The following EAF2 variants were observed in gnomAD, a reference collection of about 807,000 sequenced individuals.
EAF2 encodes ELL-associated factor 2.
EAF2 carries 29 observed loss-of-function variants against 29.4 expected under a neutral mutation model. The ratio of observed to expected loss-of-function variants is 0.99; its 90% CI spans 0.73 to 1.35. The LOEUF is 1.35. EAF2 is among the 40% of genes most tolerant of loss of function. EAF2 has a pLI of 0.00. For synonymous variants in EAF2, 103 were observed against 102.5 expected (o/e 1.00, Z -0.03); for missense variants, 292 against 312.0 (o/e 0.94, Z 0.48).
chr3:121,839,196 C>A (rs1708360488), intron 1 of EAF2, among the ~76,000 whole-genome samples: 1 of 152,132 alleles, frequency 6.6e-6, no homozygotes, highest in African/African-American at 2.4e-5. Flanking sequence ...ACATTCAGGA[C>A]CTTTTATATA....
chr3:121,840,189 G>GAAAAA (rs35521886), intron 1 of EAF2, among the ~76,000 whole-genome samples: 2 of 69,612 alleles, frequency 2.9e-5, no homozygotes, highest in Admixed American at 1.9e-4. Context: ...ATTCTCTCAG[G>GAAAAA]AAAAAAAAAA....
At position 121,857,574 on chromosome 3, in the gene EAF2, G is replaced by A. The variant is rs115825815; in HGVS notation, c.484+418G>A. ...TACTAATTATAAATGTTTACCAAGA[G>A]CATAATATTTTTTGTAATTACGCAT... On this transcript the variant is annotated intron_variant, in intron 4 of 5. Coordinates refer to ENST00000273668, the MANE Select transcript of EAF2 (RefSeq NM_018456.6). Among the ~76,000 whole-genome samples, 1,174 of 151,886 alleles carry A rather than the reference G, an allele frequency of 7.7e-3. 8 individuals carry two copies. Among genetic ancestry groups the A allele is most frequent in the Middle Eastern group, 0.017 (5 of 290 alleles).
At chr3:121,844,336 A>C (rs1576637826) in intron 1 of EAF2, 117 bp from the exon 2 acceptor site, 2 of 640,400 alleles carry the variant, frequency 3.1e-6, no homozygotes, top group East Asian at 6.2e-5. Context: ...GAATACTTTA[A>C]ACCATTTTAA....
At chr3:121,850,032 C>G (rs1389692584) in intron 2 of EAF2, among the ~76,000 whole-genome samples, 1 of 150,032 alleles carries the variant, frequency 6.7e-6, no homozygotes, top group Non-Finnish European at 1.5e-5. Flanking sequence ...ATATAGCTAT[C>G]TTTACTTTTT....
At chr3:121,840,508 AG>A (rs1345258036) in intron 1 of EAF2, among the ~76,000 whole-genome samples, 1,026 of 59,106 alleles carry the variant, frequency 0.017, 78 homozygotes, top group Non-Finnish European at 0.031. Flanking sequence ...AAAAAAAAAA[AG>A]AAAAAAAAAA....
At chr3:121,858,019 A>T (rs975615420) in intron 4 of EAF2, among the ~76,000 whole-genome samples, 1 of 152,170 alleles carries the variant, frequency 6.6e-6, no homozygotes, top group Non-Finnish European at 1.5e-5. Context: ...TTATGGCTGC[A>T]TAGTATTCCA....
intron 3 of EAF2, among the ~76,000 whole-genome samples, chr3:121,856,138 A>G (rs1186650597): frequency 6.6e-6 from 1 of 152,236 alleles, no homozygotes; most frequent in Non-Finnish European, 1.5e-5. Context: ...AGAAAAGTAT[A>G]TGAATCTCCT....
chr3:121,881,865 T>C (rs1188656703), intron 5 of EAF2, among the ~76,000 whole-genome samples: 3 of 152,120 alleles, frequency 2.0e-5, no homozygotes, highest in Non-Finnish European at 2.9e-5. Context: ...TAGGAACGGA[T>C]GGTTTTGTAG....
intron 5 of EAF2, among the ~76,000 whole-genome samples, chr3:121,876,018 C>T (rs1709089200): frequency 6.6e-6 from 1 of 151,884 alleles, no homozygotes; most frequent in Non-Finnish European, 1.5e-5. Flanking sequence ...AGTGTAAAAA[C>T]TTAATCCTGA....
At chr3:121,876,394 T>TTA (rs1709095252) in intron 5 of EAF2, among the ~76,000 whole-genome samples, 3 of 151,654 alleles carry the variant, frequency 2.0e-5, no homozygotes, top group African/African-American at 4.8e-5. Flanking sequence ...TATATATATG[T>TTA]TATATATATA....
intron 5 of EAF2, among the ~76,000 whole-genome samples, chr3:121,878,489 A>G (rs1709139596): frequency 6.6e-6 from 1 of 152,160 alleles, no homozygotes; most frequent in Non-Finnish European, 1.5e-5. Context: ...GTGCTATTGA[A>G]CACTAGAACT....
chr3:121,874,421 G>A (rs557657426), intron 5 of EAF2, among the ~76,000 whole-genome samples: 16 of 151,878 alleles, frequency 1.1e-4, no homozygotes, highest in African/African-American at 3.9e-4. Flanking sequence ...ACTCAGCTTG[G>A]TTGTACTAAA....
Position 121,865,675 on chromosome 3 carries a change from T to A in EAF2, c.485-6862T>A, listed in dbSNP as rs541691119. Among the ~76,000 whole-genome samples the A allele has an allele frequency of 8.6e-3, 1,300 of 151,056 alleles. 20 individuals carry two copies. Among genetic ancestry groups the A allele is most frequent in the African/African-American group, 0.03 (1,224 of 40,522 alleles). ...GACCCCATCTCTATAAAAAAAAATA[T>A]TTTTTTAAAAAAGAAATAAGATGGA... On this transcript the variant is annotated intron_variant, in intron 4 of 5. Transcript: ENST00000273668.
rs569479533 is a variant in EAF2 at position 121,885,606 on chromosome 3, A to G, written c.737-736A>G. Among the ~76,000 whole-genome samples the G allele has an allele frequency of 2.6e-5, 4 of 152,290 alleles. No homozygotes were observed. In the South Asian group the frequency reaches 8.3e-4, roughly 32 times the overall value. On this transcript the variant is annotated intron_variant, in intron 5 of 5. Coordinates refer to ENST00000273668, the MANE Select transcript of EAF2 (RefSeq NM_018456.6). ...GCCTTCTTGCAAGTCAGAGAATGCA[A>G]CAAATATGCTCCTGCCTTGGGGCAT...
chr3:121,849,615 A>G (rs968933992), intron 2 of EAF2, among the ~76,000 whole-genome samples: 18 of 152,092 alleles, frequency 1.2e-4, no homozygotes, highest in Non-Finnish European at 1.5e-5. Flanking sequence ...TCTAGTGGTT[A>G]TGTATAATTC....
chr3:121,873,764 ATGC>A lies in EAF2; in HGVS notation c.736+979_736+981del, dbSNP rs565067425. Among the ~76,000 whole-genome samples the A allele has an allele frequency of 4.9e-4, 75 of 151,962 alleles. No individual in the cohort carries two copies. In the East Asian group the frequency reaches 0.012, roughly 25 times the overall value. On this transcript the variant is annotated intron_variant, in intron 5 of 5. Transcript: ENST00000273668. ...TTCACTCACATCAGGACCCTTATACATGCTGTCCATTCAGCCAGAAACACTTTC... is the reference window on the plus strand; with the variant it reads ...TTCACTCACATCAGGACCCTTATACATGTCCATTCAGCCAGAAACACTTTC...
At chr3:121,878,767 A>T (rs1189042056) in intron 5 of EAF2, among the ~76,000 whole-genome samples, 1 of 152,170 alleles carries the variant, frequency 6.6e-6, no homozygotes, top group Non-Finnish European at 1.5e-5. Flanking sequence ...CATTCTATGT[A>T]TATTAATTAT....
chr3:121,857,449 G>A (rs1360881520), intron 4 of EAF2, among the ~76,000 whole-genome samples: 3 of 148,100 alleles, frequency 2.0e-5, no homozygotes, highest in Middle Eastern at 6.4e-3. Context: ...CTGAGATTGC[G>A]CCACTGCACT....
intron 3 of EAF2, among the ~76,000 whole-genome samples, chr3:121,855,977 T>C (rs140166604): frequency 2.0e-3 from 302 of 152,308 alleles, no homozygotes; most frequent in Admixed American, 3.3e-3. Context: ...GAAAAATGTA[T>C]AAACCAGGAT....
Sources: gnomAD v4.1 joint callset for allele counts (sites outside exome capture counted in the v4.1 genomes callset) on GRCh38, gnomAD v4.1.1 for gene constraint, MANE v1.5 for transcripts, NCBI Gene and HGNC (gene_info 2026-07-23, HGNC 2026-07-21) for gene names.